Variants in KCNH8 observed in about 807,000 individuals in gnomAD.
KCNH8 encodes the protein potassium voltage-gated channel subfamily H member 8.
A neutral mutation model predicts 103.6 loss-of-function variants in KCNH8; 70 were observed. The ratio of observed to expected loss-of-function variants is 0.68; its 90% CI spans 0.56 to 0.82. The LOEUF (loss-of-function observed/expected upper bound fraction) is 0.82. Among genes scored for constraint, KCNH8 ranks in the 40% least tolerant of loss-of-function variants. KCNH8 has a pLI of 0.00. For missense variants in KCNH8, 1,217 were observed against 1,329.9 expected (o/e 0.92, Z 1.32); for synonymous variants, 498 against 489.4 (o/e 1.02, Z -0.23).
rs1036398185 is a variant in KCNH8 at position 19,242,131 on chromosome 3, A to G, written c.77-11523A>G. Among the ~76,000 whole-genome samples the G allele has an allele frequency of 9.8e-5, 15 of 152,326 alleles. No individual in the cohort carries two copies. The South Asian group carries it at 2.9e-3, about 29-fold the overall frequency. Reference sequence around the variant, plus strand: ...AGTTTTAGGCAGGGTATTCCAGGCCATGAAAGAGGTAGTTTAGATCTCATT... The same window carrying G: ...AGTTTTAGGCAGGGTATTCCAGGCCGTGAAAGAGGTAGTTTAGATCTCATT... On this transcript the variant is annotated intron_variant, in intron 1 of 15. Transcript: ENST00000328405.
chr3:19,305,489 C>A (rs868551519), intron 3 of KCNH8, among the ~76,000 whole-genome samples: 1 of 152,064 alleles, frequency 6.6e-6, no homozygotes, highest in Non-Finnish European at 1.5e-5. Context: ...GTGAGAGCTA[C>A]GAACTAGGTT....
intron 7 of KCNH8, among the ~76,000 whole-genome samples, chr3:19,425,395 C>G (rs943121036): frequency 6.6e-6 from 1 of 152,108 alleles, no homozygotes; most frequent in African/African-American, 2.4e-5. Flanking sequence ...TAGAGTTTCC[C>G]CAATAGACTG....
intron 14 of KCNH8, 35 bp from the exon 15 acceptor site, chr3:19,517,963 T>C (rs542881313): frequency 6.5e-7 from 1 of 1,546,570 alleles, no homozygotes; most frequent in Admixed American, 1.7e-5. Flanking sequence ...GGTTTATTCC[T>C]AAAGGACTCA....
intron 1 of KCNH8, among the ~76,000 whole-genome samples, chr3:19,159,903 T>C (rs936311980): frequency 1.3e-5 from 2 of 152,070 alleles, no homozygotes; most frequent in Non-Finnish European, 2.9e-5. Flanking sequence ...ATATGGGAAA[T>C]TATAGTGTAT....
chr3:19,251,772 A>G (rs1388648938), intron 1 of KCNH8, among the ~76,000 whole-genome samples: 1 of 152,142 alleles, frequency 6.6e-6, no homozygotes, highest in Non-Finnish European at 1.5e-5. Flanking sequence ...TATGGGAAAA[A>G]TAAGTGTTTT....
intron 2 of KCNH8, among the ~76,000 whole-genome samples, chr3:19,274,176 A>G (rs1366844474): frequency 6.6e-6 from 1 of 152,196 alleles, no homozygotes; most frequent in African/African-American, 2.4e-5. Flanking sequence ...ATTTCTTCAC[A>G]GGACTGTTGT....
At chr3:19,421,892 T>C (rs1052845482) in intron 7 of KCNH8, among the ~76,000 whole-genome samples, 18 of 152,140 alleles carry the variant, frequency 1.2e-4, no homozygotes, top group African/African-American at 3.4e-4. Context: ...TTGTTTTGTT[T>C]TGTTTGGAGG....
At chr3:19,163,166 ACAACTTGG>A (rs1215839872) in intron 1 of KCNH8, among the ~76,000 whole-genome samples, 6 of 151,818 alleles carry the variant, frequency 4.0e-5, no homozygotes, top group African/African-American at 1.4e-4. Flanking sequence ...AATAACACCA[ACAACTTGG>A]CATAAGAGAC....
chr3:19,152,373 A>G (rs1339899455), intron 1 of KCNH8, among the ~76,000 whole-genome samples: 1 of 152,202 alleles, frequency 6.6e-6, no homozygotes, highest in Non-Finnish European at 1.5e-5. Flanking sequence ...AAAAAGATAC[A>G]AAGCTTTCAG....
intron 3 of KCNH8, among the ~76,000 whole-genome samples, chr3:19,327,397 C>A (rs183838511): frequency 1.9e-3 from 292 of 152,310 alleles, no homozygotes; most frequent in Non-Finnish European, 2.9e-3. Flanking sequence ...TCAAGCAACT[C>A]TCCTGTCTGA....
chr3:19,389,237 C>G (rs1028283655), intron 5 of KCNH8, among the ~76,000 whole-genome samples: 1 of 152,044 alleles, frequency 6.6e-6, no homozygotes, highest in Non-Finnish European at 1.5e-5. Context: ...TTGGATCCTC[C>G]GATCAGGAAT....
At chr3:19,409,072 A>C (rs1441269473) in intron 7 of KCNH8, among the ~76,000 whole-genome samples, 1 of 152,136 alleles carries the variant, frequency 6.6e-6, no homozygotes, top group African/African-American at 2.4e-5. Context: ...TAACCACTAG[A>C]CTATCCAAGG....
At chr3:19,473,049 G>A (rs941080235) in intron 11 of KCNH8, among the ~76,000 whole-genome samples, 11 of 152,112 alleles carry the variant, frequency 7.2e-5, no homozygotes, top group African/African-American at 2.4e-4. Flanking sequence ...TCCCAAACAA[G>A]GGAACTGAAT....
chr3:19,324,873 C>T (rs1056069501), intron 3 of KCNH8, among the ~76,000 whole-genome samples: 5 of 151,984 alleles, frequency 3.3e-5, no homozygotes, highest in Admixed American at 1.3e-4. Flanking sequence ...AGGGCCCAAA[C>T]AGCCAAGGCA....
intron 5 of KCNH8, among the ~76,000 whole-genome samples, chr3:19,382,195 C>G (rs944537438): frequency 6.6e-6 from 1 of 152,080 alleles, no homozygotes; most frequent in African/African-American, 2.4e-5. Flanking sequence ...TAAAAATTAA[C>G]TAAGTTTCAA....
intron 11 of KCNH8, among the ~76,000 whole-genome samples, chr3:19,460,219 TTCC>T (rs2067601154): frequency 6.6e-6 from 1 of 152,132 alleles, no homozygotes; most frequent in Non-Finnish European, 1.5e-5. Flanking sequence ...CTAGCCTTTA[TTCC>T]TAAAACAGCT....
intron 3 of KCNH8, among the ~76,000 whole-genome samples, chr3:19,325,834 G>A (rs1444310441): frequency 6.6e-6 from 1 of 152,106 alleles, no homozygotes; most frequent in Non-Finnish European, 1.5e-5. Context: ...ACCTTACTGA[G>A]TACATACCCA....
intron 15 of KCNH8, among the ~76,000 whole-genome samples, chr3:19,523,468 A>G (rs1168212664): frequency 1.3e-5 from 2 of 151,924 alleles, no homozygotes; most frequent in African/African-American, 2.4e-5. Flanking sequence ...CTGTTATAAG[A>G]TAAATTATAC....
chr3:19,519,642 C>T (rs986970240), intron 15 of KCNH8, among the ~76,000 whole-genome samples: 4 of 151,092 alleles, frequency 2.6e-5, no homozygotes, highest in Admixed American at 2.0e-4. Context: ...ACCCAAATAA[C>T]CTCTTGTTAA....
Sources: gnomAD v4.1 joint callset for allele counts (sites outside exome capture counted in the v4.1 genomes callset) on GRCh38, gnomAD v4.1.1 for gene constraint, MANE v1.5 for transcripts, NCBI Gene and HGNC (gene_info 2026-07-23, HGNC 2026-07-21) for gene names.